ST6GALNAC5: variants seen among roughly 807,000 people sequenced by gnomAD.
ST6GALNAC5 encodes the protein alpha-N-acetylgalactosaminide alpha-2,6-sialyltransferase 5.
A neutral mutation model predicts 33.6 loss-of-function variants in ST6GALNAC5; 27 were observed. The ratio of observed to expected loss-of-function variants is 0.80; its 90% CI spans 0.59 to 1.11. The LOEUF is 1.11. ST6GALNAC5 is among the 50% of genes least tolerant of loss of function. ST6GALNAC5 has a pLI of 0.00. For missense variants in ST6GALNAC5, 428 were observed against 454.0 expected (o/e 0.94, Z 0.52); for synonymous variants, 194 against 171.2 (o/e 1.13, Z -1.04).
intron 2 of ST6GALNAC5, among the ~76,000 whole-genome samples, chr1:77,025,392 G>T (rs434497): frequency 0.33 from 49,677 of 151,646 alleles, 9,163 homozygotes; most frequent in African/African-American, 0.5. Flanking sequence ...AATTAGCCAG[G>T]TGTGGTGGCA....
chr1:76,910,157 T>C (rs895222215), intron 2 of ST6GALNAC5, among the ~76,000 whole-genome samples: 2 of 152,058 alleles, frequency 1.3e-5, no homozygotes, highest in African/African-American at 4.8e-5. Flanking sequence ...TCTGATAGAG[T>C]TCATCTTAAA....
At chr1:76,877,361 C>T (rs894957781) in intron 2 of ST6GALNAC5, among the ~76,000 whole-genome samples, 4 of 152,288 alleles carry the variant, frequency 2.6e-5, no homozygotes, top group Admixed American at 2.0e-4. Flanking sequence ...GTTGCAGAGC[C>T]TTCTCCTGTT....
rs140644914 is a variant in ST6GALNAC5 at position 77,066,558 on chromosome 1, C to T, written c.*3352C>T. Among the ~76,000 whole-genome samples, 18 of 152,330 alleles carry T rather than the reference C, an allele frequency of 1.2e-4. No individual in the cohort carries two copies. In the East Asian group the frequency reaches 3.3e-3, roughly 28 times the overall value. On this transcript the variant is annotated 3_prime_UTR_variant, in exon 5 of 5. Transcript: ENST00000477717. ...ACAGTGTTATTTAAAGGCACATGCA[C>T]CCATTTAGTACCTGCCTAAATATTT... is the stretch of plus-strand genomic sequence containing the variant.
At chr1:76,968,903 TG>T (rs1214556472) in intron 2 of ST6GALNAC5, among the ~76,000 whole-genome samples, 5 of 152,222 alleles carry the variant, frequency 3.3e-5, no homozygotes, top group African/African-American at 1.2e-4. Flanking sequence ...TGTTGAATAT[TG>T]GCCCCCACTC....
chr1:77,033,742 G>A (rs1325743129), intron 2 of ST6GALNAC5, among the ~76,000 whole-genome samples: 1 of 152,142 alleles, frequency 6.6e-6, no homozygotes. Flanking sequence ...GACCAGAGAA[G>A]GAATGCTTAC....
intron 2 of ST6GALNAC5, among the ~76,000 whole-genome samples, chr1:76,965,224 A>C (rs1423867916): frequency 7.2e-6 from 1 of 139,860 alleles, no homozygotes; most frequent in African/African-American, 2.7e-5. Flanking sequence ...CACCCCCCCC[A>C]CCAACAGTGT....
chr1:76,967,581 CT>C (rs1336072478), intron 2 of ST6GALNAC5, among the ~76,000 whole-genome samples: 1 of 152,166 alleles, frequency 6.6e-6, no homozygotes, highest in Admixed American at 6.5e-5. Context: ...GTCTCTATCT[CT>C]TTCAGTGCTG....
chr1:77,024,757 A>C (rs551392400), intron 2 of ST6GALNAC5, among the ~76,000 whole-genome samples: 1 of 152,340 alleles, frequency 6.6e-6, no homozygotes, highest in East Asian at 1.9e-4. Flanking sequence ...TCTGGGCCTA[A>C]GAAGGCACCA....
intron 2 of ST6GALNAC5, among the ~76,000 whole-genome samples, chr1:76,885,250 G>A (rs547613166): frequency 6.6e-6 from 1 of 152,134 alleles, no homozygotes; most frequent in South Asian, 2.1e-4. Context: ...AAAGAAATAA[G>A]GAAGAAGAAA....
intron 2 of ST6GALNAC5, among the ~76,000 whole-genome samples, chr1:77,043,171 C>T (rs1651889565): frequency 1.3e-5 from 2 of 152,260 alleles, no homozygotes; most frequent in African/African-American, 4.8e-5. Context: ...TCTAACAATG[C>T]AACATCCCTT....
At chr1:76,916,518 A>T (rs189350181) in intron 2 of ST6GALNAC5, among the ~76,000 whole-genome samples, 4 of 152,266 alleles carry the variant, frequency 2.6e-5, no homozygotes, top group Middle Eastern at 3.4e-3. Context: ...TTTTTGATGT[A>T]GGAATGTTTC....
chr1:77,054,601 G>A (rs949079399), intron 4 of ST6GALNAC5, among the ~76,000 whole-genome samples: 10 of 152,162 alleles, frequency 6.6e-5, no homozygotes, highest in Admixed American at 2.0e-4. Context: ...AGCTGTCATA[G>A]GCATGGTGTG....
intron 4 of ST6GALNAC5, among the ~76,000 whole-genome samples, chr1:77,053,824 C>T (rs1348142749): frequency 1.3e-5 from 2 of 152,152 alleles, no homozygotes; most frequent in Non-Finnish European, 2.9e-5. Flanking sequence ...TTTTACAGAA[C>T]TGGCATTATG....
Position 76,943,368 on chromosome 1 carries a change from A to C in ST6GALNAC5, c.261+74626A>C, listed in dbSNP as rs185248507. Among the ~76,000 whole-genome samples, 6 of 152,288 alleles carry C rather than the reference A, an allele frequency of 3.9e-5. No individual in the cohort carries two copies. In the East Asian group the frequency reaches 7.7e-4, roughly 20 times the overall value. On this transcript the variant is annotated intron_variant, in intron 2 of 4. Transcript: ENST00000477717. Reference sequence around the variant, plus strand: ...TCAGATCAACATGCATTGTTAATCTATCTGTGACTGATGATTGTTTAGCCA... The same window carrying C: ...TCAGATCAACATGCATTGTTAATCTCTCTGTGACTGATGATTGTTTAGCCA...
intron 2 of ST6GALNAC5, among the ~76,000 whole-genome samples, chr1:76,888,099 T>C (rs1022313750): frequency 2.0e-5 from 3 of 152,154 alleles, no homozygotes; most frequent in Non-Finnish European, 4.4e-5. Flanking sequence ...GACACAACCG[T>C]GGATGTTTAG....
intron 2 of ST6GALNAC5, among the ~76,000 whole-genome samples, chr1:76,924,642 G>A (rs866166336): frequency 6.6e-6 from 1 of 151,502 alleles, no homozygotes; most frequent in African/African-American, 2.4e-5. Context: ...ATGTACCAAA[G>A]TTCCATCTAC....
intron 2 of ST6GALNAC5, among the ~76,000 whole-genome samples, chr1:76,949,650 CTA>C (rs1270738004): frequency 1.3e-5 from 2 of 152,044 alleles, no homozygotes; most frequent in Non-Finnish European, 2.9e-5. Context: ...GTCATCAGTC[CTA>C]TGTCATACTG....
At chr1:77,011,419 G>A (rs10782638) in intron 2 of ST6GALNAC5, among the ~76,000 whole-genome samples, 28,674 of 152,086 alleles carry the variant, frequency 0.19, 2,728 homozygotes, top group Middle Eastern at 0.27. Flanking sequence ...GGACAGAAAA[G>A]CCATTAGAGA....
At chr1:76,889,273 G>T (rs2100246322) in intron 2 of ST6GALNAC5, among the ~76,000 whole-genome samples, 1 of 152,060 alleles carries the variant, frequency 6.6e-6, no homozygotes, top group East Asian at 1.9e-4. Context: ...TTCCAAATTG[G>T]ATATTAGCAT....
Sources: allele counts gnomAD v4.1 joint callset (sites outside exome capture counted in the v4.1 genomes callset), GRCh38; gene constraint gnomAD v4.1.1; transcripts MANE v1.5; gene names NCBI Gene and HGNC (gene_info 2026-07-23, HGNC 2026-07-21).